SLC18A2: variants seen among roughly 807,000 people sequenced by gnomAD.
The protein encoded by SLC18A2 is solute carrier family 18 member A2.
A neutral mutation model predicts 59.2 loss-of-function variants in SLC18A2; 33 were observed. The ratio of observed to expected loss-of-function variants is 0.56; its 90% confidence interval spans 0.42 to 0.75. The LOEUF (loss-of-function observed/expected upper bound fraction) is 0.75, where lower values mean the gene tolerates loss of function less well. SLC18A2 is among the 30% of genes least tolerant of loss of function. The pLI, the probability that SLC18A2 is intolerant of heterozygous loss-of-function variation, is 0.00. For missense variants in SLC18A2, 569 were observed against 668.6 expected (o/e 0.85, Z 1.64); for synonymous variants, 228 against 253.5 (o/e 0.90, Z 0.95).
At chr10:117,271,568 A>T (rs1248832181) in intron 15 of SLC18A2, among the ~76,000 whole-genome samples, 2 of 152,180 alleles carry the variant, frequency 1.3e-5, no homozygotes, top group Non-Finnish European at 2.9e-5. Context: ...ATTTAACTAG[A>T]TACTTTTGAG....
chr10:117,264,404 A>G (rs1844326137), intron 10 of SLC18A2, among the ~76,000 whole-genome samples: 1 of 152,204 alleles, frequency 6.6e-6, no homozygotes, highest in African/African-American at 2.4e-5. Flanking sequence ...TGAGCCCAAG[A>G]GGCAGAGGTT....
intron 13 of SLC18A2, 118 bp downstream of exon 13, chr10:117,267,854 T>C: frequency 1.5e-6 from 1 of 686,478 alleles, no homozygotes; most frequent in South Asian, 2.5e-5. Flanking sequence ...AGAAGGAGGC[T>C]GCAGGCAGCT....
intron 15 of SLC18A2, among the ~76,000 whole-genome samples, chr10:117,272,193 T>A (rs1844435612): frequency 6.6e-6 from 1 of 152,162 alleles, no homozygotes; most frequent in Admixed American, 6.5e-5. Flanking sequence ...AAAAAGTGTG[T>A]TCCTATTTCC....
chr10:117,266,089 C>CA (rs35533634), intron 10 of SLC18A2, among the ~76,000 whole-genome samples: 38,909 of 71,840 alleles, frequency 0.54, 9,898 homozygotes, highest in East Asian at 0.61. Flanking sequence ...GACTCCATCT[C>CA]AAAAAAAAAA....
intron 10 of SLC18A2, among the ~76,000 whole-genome samples, chr10:117,263,557 C>T (rs1051467681): frequency 2.0e-4 from 31 of 152,198 alleles, no homozygotes; most frequent in African/African-American, 7.2e-4. Flanking sequence ...GCTCCCTTGC[C>T]AGCCTGCCCC....
intron 3 of SLC18A2, among the ~76,000 whole-genome samples, chr10:117,251,886 AC>A: frequency 6.6e-6 from 1 of 152,236 alleles, no homozygotes; most frequent in Middle Eastern, 3.4e-3. Context: ...TTAAATCATG[AC>A]TAAATCTGGT....
chr10:117,277,075 A>G, intron 15 of SLC18A2, 87 bp from the exon 16 acceptor site: 1 of 770,408 alleles, frequency 1.3e-6, no homozygotes, highest in Non-Finnish European at 2.1e-6. Flanking sequence ...TAGTTTTCAA[A>G]CTAATAATCC....
intron 15 of SLC18A2, among the ~76,000 whole-genome samples, chr10:117,274,254 GGA>G (rs1479845085): frequency 6.6e-6 from 1 of 152,156 alleles, no homozygotes; most frequent in Non-Finnish European, 1.5e-5. Flanking sequence ...AACATTTAAA[GGA>G]GGAAAACTTC....
chr10:117,278,953 G>A lies in SLC18A2; in HGVS notation c.*1687G>A, dbSNP rs142852685. ...CAGGGGTAGAGCCTTAAAAAAGAAC[G>A]TGCTACAAATTGGTTCTCTTTGAGG... On this transcript the variant is annotated 3_prime_UTR_variant, in exon 16 of 16. Coordinates refer to ENST00000644641, the MANE Select transcript of SLC18A2 (RefSeq NM_003054.6). The A allele has an allele frequency of 6.6e-6, 1 of 152,270 alleles. No homozygotes were observed. The highest frequency in any genetic ancestry group is 1.5e-5 in the Non-Finnish European group (1 of 68,024). The allele number at this position is 152,270 out of a possible 1,614,324, so 9.4% of individuals were successfully genotyped here. A position where few individuals can be genotyped will look rare whatever the true frequency, so the allele number is the denominator to read the frequency against.
chr10:117,244,295 T>C lies in SLC18A2; in HGVS notation c.446T>C (p.Ile149Thr), dbSNP rs200653019. The change falls in exon 3 of 16, where the codon ATA (isoleucine) becomes ACA (threonine). Residue 149 changes from isoleucine (I) to threonine (T), a missense_variant. Transcript: ENST00000644641. ...ATVQLITNPFIGLLTNRIGYP... is the reference protein window; with the variant it reads ...ATVQLITNPFTGLLTNRIGYP... ...GTCCAGCTCATCACCAACCCTTTCA[T>C]AGGACTACTGACCAACAGGTAGGGC... 108 of 1,613,962 alleles carry C rather than the reference T, an allele frequency of 6.7e-5. No homozygotes were observed. In the East Asian group the frequency reaches 2.0e-3, roughly 30 times the overall value.
rs199997169 is a variant in SLC18A2, at chr10:117,244,297, G to A, written c.448G>A (p.Gly150Arg). Residue 150 changes from glycine (G) to arginine (R), a missense_variant, in exon 3 of 16, where the codon GGA becomes AGA. By Grantham distance (125) the Gly-to-Arg change is moderately radical. This residue lies in a region of SLC18A2 where 377 missense variants were observed against 389.8 expected (regional missense o/e 0.97). Coordinates refer to ENST00000644641, the MANE Select transcript of SLC18A2 (RefSeq NM_003054.6). ...CCAGCTCATCACCAACCCTTTCATAGGACTACTGACCAACAGGTAGGGCAG... is the reference window on the plus strand; with the variant it reads ...CCAGCTCATCACCAACCCTTTCATAAGACTACTGACCAACAGGTAGGGCAG... Reference protein sequence around the residue: ...TVQLITNPFIGLLTNRIGYPI... With the variant: ...TVQLITNPFIRLLTNRIGYPI... 1 of 1,613,828 alleles carries A rather than the reference G, an allele frequency of 6.2e-7. No individual in the cohort carries two copies. The highest frequency in any genetic ancestry group is 1.3e-5 in the African/African-American group (1 of 75,042).
At chr10:117,242,105 G>A (rs1390866137) in intron 2 of SLC18A2, among the ~76,000 whole-genome samples, 1 of 152,164 alleles carries the variant, frequency 6.6e-6, no homozygotes, top group African/African-American at 2.4e-5. Context: ...CTTTCACTGC[G>A]ATGAAAAAGA....
intron 3 of SLC18A2, among the ~76,000 whole-genome samples, chr10:117,246,919 G>A (rs956220556): frequency 7.9e-5 from 12 of 152,210 alleles, no homozygotes; most frequent in African/African-American, 2.7e-4. Flanking sequence ...CTCCCAAAGT[G>A]CTGGGATTAC....
chr10:117,270,382 G>C lies in SLC18A2; in HGVS notation c.1359G>C (p.Met453Ile), dbSNP rs1408130989. Residue 453 changes from methionine to isoleucine, a missense_variant, in exon 15 of 16, where the codon ATG becomes ATC. By Grantham distance (10) the Met-to-Ile change is conservative (BLOSUM62 1). This residue lies in a region of SLC18A2 where 192 missense variants were observed against 278.8 expected (regional missense o/e 0.69). Transcript: ENST00000644641. ...IAKAIGFPWLMTIIGIIDILF... is the reference protein window; with the variant it reads ...IAKAIGFPWLITIIGIIDILF... ...AGGCAATTGGATTTCCATGGCTCATGACAATTATTGGGATAATTGATATTC... is the reference window on the plus strand; with the variant it reads ...AGGCAATTGGATTTCCATGGCTCATCACAATTATTGGGATAATTGATATTC... The C allele has an allele frequency of 1.2e-6, 2 of 1,613,974 alleles. No homozygotes were observed. Among genetic ancestry groups the C allele is most frequent in the African/African-American group, 2.7e-5 (2 of 74,922 alleles).
intron 3 of SLC18A2, among the ~76,000 whole-genome samples, chr10:117,252,175 G>A (rs1447294366): frequency 1.5e-5 from 2 of 129,468 alleles, no homozygotes; most frequent in East Asian, 4.5e-4. Flanking sequence ...GTACAGACAG[G>A]GTTTTGCCAT....
intron 3 of SLC18A2, among the ~76,000 whole-genome samples, chr10:117,248,666 T>G (rs2133729002): frequency 6.6e-6 from 1 of 152,342 alleles, no homozygotes; most frequent in Non-Finnish European, 1.5e-5. Context: ...GATATATATG[T>G]CCATAAGAGG....
chr10:117,265,761 G>C (rs188684947), intron 10 of SLC18A2, among the ~76,000 whole-genome samples: 40 of 152,220 alleles, frequency 2.6e-4, no homozygotes, highest in Non-Finnish European at 5.3e-4. Context: ...CAGAACCTGG[G>C]GGATGCAGGT....
At chr10:117,255,894 T>A (rs1459318857) in intron 9 of SLC18A2, among the ~76,000 whole-genome samples, 1 of 152,354 alleles carries the variant, frequency 6.6e-6, no homozygotes, top group Middle Eastern at 3.4e-3. Flanking sequence ...AAATGGCGTA[T>A]GCTGGGCTCT....
chr10:117,254,532 A>G (rs555891689), intron 6 of SLC18A2, 35 bp downstream of exon 6: 7 of 1,508,608 alleles, frequency 4.6e-6, no homozygotes, highest in South Asian at 2.5e-5. Context: ...AACTGGCAAG[A>G]GGGGCCTGCC....
Sources: gnomAD v4.1 joint callset for allele counts (sites outside exome capture counted in the v4.1 genomes callset) on GRCh38, gnomAD v4.1.1 for gene constraint, gnomAD v4.1.1 regional missense constraint, MANE v1.5 for transcripts, NCBI Gene and HGNC (gene_info 2026-07-23, HGNC 2026-07-21) for gene names.